The following RIN3 variants were observed in gnomAD, a reference collection of about 807,000 sequenced individuals.
RIN3 encodes the protein RAB5 interacting protein 3.
In RIN3, 54 loss-of-function variants were observed where a neutral mutation model predicts 76.3. That is an observed-to-expected ratio of 0.71 (90% confidence interval 0.57 to 0.89). The LOEUF (loss-of-function observed/expected upper bound fraction) is 0.89, where lower values mean the gene tolerates loss of function less well. Ranked by LOEUF, RIN3 falls within the 40% of genes least tolerant of loss-of-function variation. The probability of loss-of-function intolerance (pLI) is 0.00; values close to 1 mark genes in which losing one functional copy is unlikely to be tolerated. For missense variants in RIN3, 1,256 were observed against 1,322.1 expected (o/e 0.95, Z 0.78); for synonymous variants, 576 against 564.0 (o/e 1.02, Z -0.30).
At chr14:92,567,624 ATT>A (rs34729914) in intron 2 of RIN3, among the ~76,000 whole-genome samples, 41,629 of 133,308 alleles carry the variant, frequency 0.31, 6,370 homozygotes, top group South Asian at 0.39. Flanking sequence ...CTTCTGCTGC[ATT>A]TTTTTTTTTT....
chr14:92,678,561 T>C (rs893264082), intron 8 of RIN3, among the ~76,000 whole-genome samples: 5 of 137,482 alleles, frequency 3.6e-5, no homozygotes, highest in Non-Finnish European at 4.6e-5. Flanking sequence ...CCCATCCACA[T>C]ATTTGCCCAC....
At chr14:92,523,726 ACT>A (rs1248096363) in intron 1 of RIN3, among the ~76,000 whole-genome samples, 24 of 152,226 alleles carry the variant, frequency 1.6e-4, no homozygotes, top group African/African-American at 4.8e-4. Flanking sequence ...GTTTATTCTG[ACT>A]CTCAAATCCT....
intron 7 of RIN3, 67 bp from the exon 8 acceptor site, chr14:92,676,408 C>G (rs1350561429): frequency 6.7e-5 from 105 of 1,578,752 alleles, no homozygotes; most frequent in Non-Finnish European, 7.5e-5. Flanking sequence ...GTCCCCTACC[C>G]TGGGCAGAGA....
At chr14:92,557,380 G>A (rs541429903) in intron 2 of RIN3, among the ~76,000 whole-genome samples, 7 of 152,304 alleles carry the variant, frequency 4.6e-5, no homozygotes, top group Middle Eastern at 3.4e-3. Context: ...GAGCACACAC[G>A]TTTTATTTGG....
At chr14:92,564,551 G>A (rs1281681084) in intron 2 of RIN3, among the ~76,000 whole-genome samples, 1 of 152,166 alleles carries the variant, frequency 6.6e-6, no homozygotes, top group Non-Finnish European at 1.5e-5. Context: ...GCTCAGAAAG[G>A]GGAAGTGACT....
At chr14:92,536,430 T>C (rs1483555582) in intron 1 of RIN3, among the ~76,000 whole-genome samples, 1 of 152,138 alleles carries the variant, frequency 6.6e-6, no homozygotes, top group Non-Finnish European at 1.5e-5. Flanking sequence ...ATTAGAAACA[T>C]AGACTATTGA....
intron 1 of RIN3, among the ~76,000 whole-genome samples, chr14:92,539,264 C>T (rs1897078460): frequency 6.6e-6 from 1 of 152,112 alleles, no homozygotes; most frequent in Non-Finnish European, 1.5e-5. Flanking sequence ...TGGGCCCATA[C>T]TAAGTGCTGA....
chr14:92,572,799 A>T (rs1212846226), intron 2 of RIN3, among the ~76,000 whole-genome samples: 1 of 150,314 alleles, frequency 6.7e-6, no homozygotes, highest in Non-Finnish European at 1.5e-5. Flanking sequence ...CAAGGGAGAT[A>T]GGCAGAACTT....
chr14:92,625,958 A>G (rs560632054), intron 4 of RIN3, among the ~76,000 whole-genome samples: 22 of 152,130 alleles, frequency 1.4e-4, no homozygotes, highest in Non-Finnish European at 2.8e-4. Flanking sequence ...CTGGCCAGCT[A>G]TTTGTGACAA....
intron 5 of RIN3, chr14:92,644,631 T>G (rs1887132461): frequency 6.6e-6 from 1 of 152,194 alleles, no homozygotes; most frequent in African/African-American, 2.4e-5. Flanking sequence ...GCTTAGGAGC[T>G]GAAGGGATCC....
intron 3 of RIN3, among the ~76,000 whole-genome samples, chr14:92,609,942 G>A (rs1885669661): frequency 6.6e-6 from 1 of 151,386 alleles, no homozygotes; most frequent in Non-Finnish European, 1.5e-5. Flanking sequence ...TTTATTTAAT[G>A]TATCAATATC....
At position 92,519,858 on chromosome 14, in the gene RIN3, C is replaced by T. The variant is rs148979549; in HGVS notation, c.44+5882C>T. Among the ~76,000 whole-genome samples, 386 of 152,282 alleles carry T rather than the reference C, an allele frequency of 2.5e-3. 1 individual carries two copies. The highest frequency in any genetic ancestry group is 8.8e-3 in the African/African-American group (367 of 41,544). ...CATGGGAGGCCTTCCCTCAGCCTGG[C>T]GTCCACAGGGCAGTGGGAAGGCATT... On this transcript the variant is annotated intron_variant, in intron 1 of 9. Coordinates refer to ENST00000216487, the MANE Select transcript of RIN3 (RefSeq NM_024832.5).
At chr14:92,597,622 AC>A (rs1885197094) in intron 3 of RIN3, among the ~76,000 whole-genome samples, 1 of 152,028 alleles carries the variant, frequency 6.6e-6, no homozygotes, top group Non-Finnish European at 1.5e-5. Context: ...GTTTTGGGAG[AC>A]CCTTGGAGTG....
Position 92,688,558 on chromosome 14 carries a change from C to G in RIN3, c.*306C>G. On this transcript the variant is annotated 3_prime_UTR_variant, in exon 10 of 10. Coordinates refer to ENST00000216487, the MANE Select transcript of RIN3 (RefSeq NM_024832.5). ...CCAACAAACCGGCGCCCTCTTCACA[C>G]GTAGCTCCTCAGGCCATTCCCCATG... 2.3e-6 allele frequency: 1 copy of G among 442,308 alleles called. No individual in the cohort carries two copies. The highest frequency in any genetic ancestry group is 4.1e-6 in the Non-Finnish European group (1 of 245,382). The allele number at this position is 442,308 out of a possible 1,614,324, so 27.4% of individuals were successfully genotyped here.
At position 92,615,493 on chromosome 14, in the gene RIN3, G is replaced by A. The variant is rs1309919005; in HGVS notation, c.440+14G>A. The stretch of plus-strand genomic sequence containing the variant: ...CTGTGTCAGTAGGTGAGTAGACCCG[G>A]CCCTGCAGGAGGTTATCTGGTTGTA... On this transcript the variant is annotated intron_variant, in intron 4 of 9. Transcript: ENST00000216487. 9 of 1,609,348 alleles carry A rather than the reference G, an allele frequency of 5.6e-6. No homozygotes were observed. The East Asian group carries it at 2.0e-4, about 36-fold the overall frequency.
chr14:92,583,138 C>CT (rs544399545), intron 3 of RIN3, among the ~76,000 whole-genome samples: 12 of 152,236 alleles, frequency 7.9e-5, no homozygotes, highest in Admixed American at 4.6e-4. Context: ...GCCACGGTGA[C>CT]TGCAGTAGGG....
rs186637416 is a variant in RIN3 at position 92,667,874 on chromosome 14, G to A, written c.2335+8405G>A. On this transcript the variant is annotated intron_variant, in intron 7 of 9. Coordinates refer to ENST00000216487, the MANE Select transcript of RIN3 (RefSeq NM_024832.5). ...ATTGACATCCAGGTGACAGGAATGG[G>A]GGGGCATCTGAAAGAGAGCTAAAGA... Among the ~76,000 whole-genome samples the A allele has an allele frequency of 4.1e-5, 6 of 146,888 alleles. No individual in the cohort carries two copies. In the East Asian group the frequency reaches 1.3e-3, roughly 31 times the overall value.
chr14:92,674,538 G>A (rs953330278), intron 7 of RIN3, among the ~76,000 whole-genome samples: 6 of 152,070 alleles, frequency 3.9e-5, no homozygotes, highest in Non-Finnish European at 7.3e-5. Context: ...AGGAAGTCAA[G>A]GTTGCAAGTG....
chr14:92,657,421 T>G (rs896518785), intron 6 of RIN3, among the ~76,000 whole-genome samples: 2 of 150,550 alleles, frequency 1.3e-5, no homozygotes, highest in Non-Finnish European at 3.0e-5. Flanking sequence ...GCTTCTGGTT[T>G]GATTAGGGAG....
Sources: gnomAD v4.1 joint callset for allele counts (sites outside exome capture counted in the v4.1 genomes callset) on GRCh38, gnomAD v4.1.1 for gene constraint, MANE v1.5 for transcripts, NCBI Gene and HGNC (gene_info 2026-07-23, HGNC 2026-07-21) for gene names.